The following UGT2B15 variants were observed in gnomAD, a reference collection of about 807,000 sequenced individuals.
UGT2B15 encodes the protein UDP-glucuronosyltransferase 2B15.
A neutral mutation model predicts 45.9 loss-of-function variants in UGT2B15; 36 were observed. The ratio of observed to expected loss-of-function variants is 0.78; its 90% CI spans 0.60 to 1.04. UGT2B15 has a LOEUF of 1.04. Among genes scored for constraint, UGT2B15 ranks in the 50% least tolerant of loss-of-function variants. The pLI, the probability that UGT2B15 is intolerant of heterozygous loss-of-function variation, is 0.00. For synonymous variants in UGT2B15, 219 were observed against 216.4 expected, an observed-to-expected ratio of 1.01 and a Z score of -0.11; for missense variants, 617 against 622.4, an observed-to-expected ratio of 0.99 and a Z score of 0.09.
rs745647278 is a variant in UGT2B15 at position 68,670,432 on chromosome 4, G to A, written c.187C>T (p.Leu63Phe). Residue 63 changes from leucine (L) to phenylalanine (F), a missense_variant, in exon 1 of 6, where the codon CTT becomes TTT. Around this residue, in one of 3 missense-constraint regions of UGT2B15, gnomAD observed 351 missense variants for 342.1 expected, o/e 1.03. Transcript: ENST00000338206. ...GCAGATGATTTACTGGCATTGACAA[G>A]AGTAGAAGCCGAAGATGTCAACACA... Reference protein sequence around the residue: ...VTVLTSSASTLVNASKSSAIK... With the variant: ...VTVLTSSASTFVNASKSSAIK... 8.1e-6 allele frequency: 13 copies of A among 1,613,904 alleles called. No individual in the cohort carries two copies. The highest frequency in any genetic ancestry group is 2.2e-5 in the South Asian group (2 of 91,002).
intron 5 of UGT2B15, among the ~76,000 whole-genome samples, chr4:68,650,992 G>GTTT (rs1238717464): frequency 1.8e-5 from 1 of 54,512 alleles, no homozygotes; most frequent in Non-Finnish European, 4.2e-5. Flanking sequence ...TTTTGATGGT[G>GTTT]TTGTTTTTTT....
In UGT2B15 at chr4:68,659,939, C is replaced by T. The variant is rs2877377; in HGVS notation, c.1005+3069G>A. Reference sequence around the variant, plus strand: ...CTGATCCTTTGTTTTGTTTTTTTTTCAGAGTGAAGGAATCTTTTTTTTTTT... The same window carrying T: ...CTGATCCTTTGTTTTGTTTTTTTTTTAGAGTGAAGGAATCTTTTTTTTTTT... On this transcript the variant is annotated intron_variant, in intron 3 of 5. Coordinates refer to ENST00000338206, the MANE Select transcript of UGT2B15 (RefSeq NM_001076.4). 9.0e-3 allele frequency among the ~76,000 whole-genome samples: 1,225 copies of T among 136,462 alleles called. 18 individuals carry two copies. The highest frequency in any genetic ancestry group is 0.029 in the African/African-American group (1,134 of 38,592). 89.5% of individuals were successfully genotyped at this position (136,462 alleles called of 152,430 possible). A position where few individuals can be genotyped will look rare whatever the true frequency, so the allele number is the denominator to read the frequency against.
At chr4:68,667,175 G>T (rs6839657) in intron 2 of UGT2B15, among the ~76,000 whole-genome samples, 5,755 of 140,760 alleles carry the variant, frequency 0.041, 136 homozygotes, top group Middle Eastern at 0.089. Flanking sequence ...TTATTTGTTT[G>T]TTTTTGAGAC....
At position 68,655,068 on chromosome 4, in the gene UGT2B15, T is replaced by G. The variant is rs1732764236; in HGVS notation, c.1093+27A>C. Reference sequence around the variant, plus strand: ...ACTCCAATTTGCTGTTACTAATATATTCACTGTTTGTTCTCCAGAATCTTA... The same window carrying G: ...ACTCCAATTTGCTGTTACTAATATAGTCACTGTTTGTTCTCCAGAATCTTA... On this transcript the variant is annotated intron_variant, in intron 4 of 5. Coordinates refer to ENST00000338206, the MANE Select transcript of UGT2B15 (RefSeq NM_001076.4). 3 of 1,605,810 alleles carry G rather than the reference T, an allele frequency of 1.9e-6. No homozygotes were observed. In the South Asian group the frequency reaches 3.3e-5, roughly 18 times the overall value.
intron 5 of UGT2B15, among the ~76,000 whole-genome samples, chr4:68,648,302 A>G (rs1198756678): frequency 1.3e-5 from 2 of 152,066 alleles, no homozygotes; most frequent in African/African-American, 4.8e-5. Flanking sequence ...TCTTCTAGAG[A>G]CAATGGCCTT....
At chr4:68,650,823 T>G (rs1489737423) in intron 5 of UGT2B15, among the ~76,000 whole-genome samples, 1 of 152,064 alleles carries the variant, frequency 6.6e-6, no homozygotes, top group African/African-American at 2.4e-5. Context: ...GTTTTTTGAC[T>G]TTTTAATCAT....
chr4:68,647,340 G>T lies in UGT2B15; in HGVS notation c.1357C>A (p.Gln453Lys). The T allele has an allele frequency of 1.2e-6, 2 of 1,613,558 alleles. No homozygotes were observed. The highest frequency in any genetic ancestry group is 8.5e-7 in the Non-Finnish European group (1 of 1,179,664). ...VMKLSRIHHD[Q>K]PMKPLDRAVF... Reference sequence around the variant, plus strand: ...GCTCGATCCAGGGGCTTCATTGGTTGGTCATGATGAATTCTTGATAATTTC... The same window carrying T: ...GCTCGATCCAGGGGCTTCATTGGTTTGTCATGATGAATTCTTGATAATTTC... The change falls in exon 6 of 6, where the codon CAA becomes AAA. Residue 453 changes from glutamine (Q) to lysine (K), a missense_variant. Gln to Lys is a moderately conservative substitution (Grantham distance 53, BLOSUM62 1). Coordinates refer to ENST00000338206, the MANE Select transcript of UGT2B15 (RefSeq NM_001076.4).
chr4:68,668,679 C>T (rs867180664), intron 1 of UGT2B15, among the ~76,000 whole-genome samples: 2,461 of 128,462 alleles, frequency 0.019, 30 homozygotes, highest in Middle Eastern at 0.076. Flanking sequence ...TCTAGTATTT[C>T]CCCTGCTTGC....
At chr4:68,651,080 A>C (rs913601463) in intron 5 of UGT2B15, among the ~76,000 whole-genome samples, 3 of 150,712 alleles carry the variant, frequency 2.0e-5, no homozygotes, top group African/African-American at 7.3e-5. Flanking sequence ...GATTGCAAAA[A>C]TCTTCCCTCA....
At chr4:68,649,902 G>A (rs1234270145) in intron 5 of UGT2B15, among the ~76,000 whole-genome samples, 6 of 150,848 alleles carry the variant, frequency 4.0e-5, no homozygotes, top group African/African-American at 9.8e-5. Context: ...GCACTATCTC[G>A]GCTCACTGCA....
Position 68,654,041 on chromosome 4 carries a change from G to C in UGT2B15, c.1309C>G (p.Pro437Ala). Residue 437 changes from proline (P) to alanine (A), a missense_variant, in exon 5 of 6, where the codon CCT becomes GCT. Around this residue, in one of 3 missense-constraint regions of UGT2B15, gnomAD observed 265 missense variants for 245.1 expected, o/e 1.08. Transcript: ENST00000338206. ...TCACAAAACTGTAATACTCACACAG[G>C]GTCATTAATGACTGACTTCAATGCA... ...LNALKSVIND[P>A]VYKENVMKLS... 6.2e-7 allele frequency: 1 copy of C among 1,612,082 alleles called. No homozygotes were observed. Among genetic ancestry groups the C allele is most frequent in the South Asian group, 1.1e-5 (1 of 90,888 alleles).
intron 5 of UGT2B15, among the ~76,000 whole-genome samples, chr4:68,648,498 T>C (rs761012353): frequency 2.0e-5 from 3 of 152,126 alleles, no homozygotes; most frequent in Non-Finnish European, 2.9e-5. Context: ...TAGGCACCCA[T>C]AGGATTTCTC....
At position 68,664,571 on chromosome 4, in the gene UGT2B15, C is replaced by T. The variant is rs541502964; in HGVS notation, c.874-1432G>A. On this transcript the variant is annotated intron_variant, in intron 2 of 5. Transcript: ENST00000338206. ...AAAATATAATTTAACTTTATGACAT[C>T]TTTTTTTTTTTTCCAGATGGAGTCT... Among the ~76,000 whole-genome samples the T allele has an allele frequency of 1.6e-4, 24 of 146,538 alleles. No individual in the cohort carries two copies. In the South Asian group the frequency reaches 2.8e-3, roughly 17 times the overall value.
intron 3 of UGT2B15, 113 bp from the exon 4 acceptor site, chr4:68,655,295 A>T (rs986876084): frequency 1.3e-5 from 17 of 1,332,582 alleles, no homozygotes; most frequent in Non-Finnish European, 1.5e-5. Context: ...AAGATGAAGA[A>T]ATAAGAAGAA....
chr4:68,662,037 C>T (rs1345797100), intron 3 of UGT2B15, among the ~76,000 whole-genome samples: 1 of 151,992 alleles, frequency 6.6e-6, no homozygotes, highest in Non-Finnish European at 1.5e-5. Context: ...GTAGAATTTA[C>T]AAGTGTTGAC....
At chr4:68,666,640 T>C (rs1277469752) in intron 2 of UGT2B15, among the ~76,000 whole-genome samples, 3 of 151,744 alleles carry the variant, frequency 2.0e-5, no homozygotes, top group Non-Finnish European at 4.4e-5. Context: ...TATTGGGATT[T>C]TTTAAAAGGA....
intron 3 of UGT2B15, among the ~76,000 whole-genome samples, chr4:68,660,748 T>C (rs1176836571): frequency 6.6e-6 from 1 of 151,930 alleles, no homozygotes; most frequent in African/African-American, 2.4e-5. Flanking sequence ...GTCTTCAGGT[T>C]TTTTTTCCTC....
chr4:68,649,380 G>A (rs575380439), intron 5 of UGT2B15, among the ~76,000 whole-genome samples: 1 of 141,074 alleles, frequency 7.1e-6, no homozygotes, highest in East Asian at 2.4e-4. Flanking sequence ...CTGGGTTCAA[G>A]TGATTCTCAT....
chr4:68,669,992 C>A lies in UGT2B15; in HGVS notation c.627G>T (p.Met209Ile), dbSNP rs1233030957. 6.2e-7 allele frequency: 1 copy of A among 1,613,702 alleles called. No homozygotes were observed. Among genetic ancestry groups the A allele is most frequent in the Non-Finnish European group, 8.5e-7 (1 of 1,179,916 alleles). Residue 209 changes from methionine to isoleucine, a missense_variant, in exon 1 of 6, where the codon ATG becomes ATT. Physicochemically the swap from Met to Ile is conservative, Grantham distance 10 (BLOSUM62 1). Around this residue, in one of 3 missense-constraint regions of UGT2B15, gnomAD observed 351 missense variants for 342.1 expected, o/e 1.03. Transcript: ENST00000338206. ...MSELSDQMIF[M>I]ERIKNMIHML... ...TATGTATCATATTTTTTATCCTCTC[C>A]ATGAAAATCATTTGATCACTTAATT...
Sources: gnomAD v4.1 joint callset for allele counts (sites outside exome capture counted in the v4.1 genomes callset) on GRCh38, gnomAD v4.1.1 for gene constraint, gnomAD v4.1.1 regional missense constraint, MANE v1.5 for transcripts, NCBI Gene and HGNC (gene_info 2026-07-23, HGNC 2026-07-21) for gene names.